Variants in CDH2 observed in about 807,000 individuals in gnomAD.
The protein encoded by CDH2 is cadherin 2.
Under a neutral mutation model 92.0 loss-of-function variants are expected in CDH2, and 17 were observed. The observed-to-expected ratio is 0.18, with a 90% CI of 0.13 to 0.28. The LOEUF is 0.28. CDH2 is among the 10% of genes least tolerant of loss of function. CDH2 has a pLI of 1.00. For missense variants in CDH2, 862 were observed against 1,133.1 expected (o/e 0.76, Z 3.44); for synonymous variants, 419 against 415.9 (o/e 1.01, Z -0.09).
At chr18:28,051,873 A>C (rs1482913965) in intron 2 of CDH2, among the ~76,000 whole-genome samples, 1 of 152,208 alleles carries the variant, frequency 6.6e-6, no homozygotes, top group Non-Finnish European at 1.5e-5. Flanking sequence ...TGCAAAATAC[A>C]CAAAAAGAGA....
At chr18:27,949,805 T>C (rs1321128509), downstream of CDH2, among the ~76,000 whole-genome samples, 1 of 151,800 alleles carries the variant, frequency 6.6e-6, no homozygotes, top group Non-Finnish European at 1.5e-5. Context: ...AAATAGTTGT[T>C]TATTATGCCT....
intron 1 of CDH2, among the ~76,000 whole-genome samples, chr18:28,176,422 C>G (rs938044798): frequency 2.6e-5 from 4 of 152,148 alleles, no homozygotes; most frequent in Admixed American, 6.5e-5. Flanking sequence ...CAACTCCAGA[C>G]TGGGATAAAG....
chr18:27,933,991 G>A (rs988211283), intron 6 of CDH2, among the ~76,000 whole-genome samples: 1 of 152,124 alleles, frequency 6.6e-6, no homozygotes, highest in Non-Finnish European at 1.5e-5. Flanking sequence ...ATTAAAGAAA[G>A]AAAATATGTT....
chr18:28,084,910 A>G (rs923074775), intron 2 of CDH2, among the ~76,000 whole-genome samples: 3 of 152,134 alleles, frequency 2.0e-5, no homozygotes, highest in East Asian at 3.9e-4. Flanking sequence ...ACTATTCTAG[A>G]TCATCACTAG....
chr18:27,977,853 A>G (rs1298942680), intron 14 of CDH2, among the ~76,000 whole-genome samples: 1 of 152,226 alleles, frequency 6.6e-6, no homozygotes, highest in African/African-American at 2.4e-5. Flanking sequence ...ACCTGAAGGT[A>G]CACACAGGCT....
chr18:27,982,817 A>C (rs550188778), intron 14 of CDH2, 127 bp downstream of exon 14: 3 of 534,544 alleles, frequency 5.6e-6, no homozygotes, highest in South Asian at 4.7e-5. Context: ...CATAGGAAAC[A>C]ATTTACCAAA....
At chr18:28,157,312 CATTCAACTAA>C (rs1416732055) in intron 1 of CDH2, among the ~76,000 whole-genome samples, 1 of 152,168 alleles carries the variant, frequency 6.6e-6, no homozygotes, top group Non-Finnish European at 1.5e-5. Context: ...CTTGGAAATT[CATTCAACTAA>C]AGACACTCAA....
intron 1 of CDH2, among the ~76,000 whole-genome samples, chr18:28,160,817 A>G (rs771681944): frequency 6.6e-6 from 1 of 152,120 alleles, no homozygotes; most frequent in Non-Finnish European, 1.5e-5. Flanking sequence ...AACTGGGGAG[A>G]GGCTCCCAGT....
chr18:28,147,583 T>C, intron 2 of CDH2, 90 bp downstream of exon 2: 1 of 729,122 alleles, frequency 1.4e-6, no homozygotes, highest in Non-Finnish European at 2.3e-6. Context: ...ATACTTGTTA[T>C]ACAGTAGAAA....
chr18:27,989,809 G>A (rs1398254806), intron 10 of CDH2, among the ~76,000 whole-genome samples: 5 of 152,102 alleles, frequency 3.3e-5, no homozygotes, highest in African/African-American at 9.7e-5. Flanking sequence ...TAAAGGCACA[G>A]GCTAAATAAT....
intron 2 of CDH2, among the ~76,000 whole-genome samples, chr18:28,050,276 T>C (rs1307757466): frequency 1.3e-5 from 2 of 152,214 alleles, no homozygotes; most frequent in East Asian, 3.8e-4. Context: ...TAGGGTAAAA[T>C]TAAAATACAG....
chr18:27,981,571 C>T (rs2012057512), intron 14 of CDH2, among the ~76,000 whole-genome samples: 1 of 152,088 alleles, frequency 6.6e-6, no homozygotes, highest in Non-Finnish European at 1.5e-5. Context: ...CTGTGGGTTA[C>T]AAACTCTGAA....
chr18:28,025,161 G>T (rs1364210783), intron 2 of CDH2, among the ~76,000 whole-genome samples: 1 of 152,046 alleles, frequency 6.6e-6, no homozygotes, highest in East Asian at 1.9e-4. Context: ...GATGATCTGG[G>T]GAAGTGTTAT....
intron 2 of CDH2, among the ~76,000 whole-genome samples, chr18:28,067,700 TTTG>T (rs1231765834): frequency 1.3e-5 from 2 of 152,202 alleles, no homozygotes; most frequent in Non-Finnish European, 2.9e-5. Flanking sequence ...TTTGTTTTAC[TTTG>T]TTGACTAAAA....
rs2016082511 is a variant in CDH2 at position 28,149,124 on chromosome 18, C to T, written c.61-1340G>A. ...GTGTGAGTGGAAGCTGGTACAGTCA[C>T]CTTGGCATATATTTTGGCAAACTCT... On this transcript the variant is annotated intron_variant, in intron 1 of 15. Transcript: ENST00000269141. Among the ~76,000 whole-genome samples, 3 of 152,128 alleles carry T rather than the reference C, an allele frequency of 2.0e-5. No homozygotes were observed. The South Asian group carries it at 6.2e-4, about 32-fold the overall frequency.
chr18:27,949,121 CA>C (rs1909348715), downstream of CDH2, among the ~76,000 whole-genome samples: 1 of 151,830 alleles, frequency 6.6e-6, no homozygotes, highest in Admixed American at 6.6e-5. Flanking sequence ...TGGCCTGACT[CA>C]AAAGCTAACT....
intron 14 of CDH2, among the ~76,000 whole-genome samples, chr18:27,966,179 A>T (rs1202618505): frequency 6.6e-6 from 1 of 152,112 alleles, no homozygotes; most frequent in Admixed American, 6.5e-5. Flanking sequence ...AATGGGGGAA[A>T]ATAGATGGCA....
chr18:28,050,680 C>T (rs1567979144), intron 2 of CDH2, among the ~76,000 whole-genome samples: 1 of 152,082 alleles, frequency 6.6e-6, no homozygotes. Flanking sequence ...AGATATAATG[C>T]CTTTTTCACT....
intron 2 of CDH2, among the ~76,000 whole-genome samples, chr18:28,111,444 A>G (rs887136127): frequency 4.5e-4 from 68 of 152,348 alleles, no homozygotes; most frequent in African/African-American, 1.6e-3. Flanking sequence ...TGTTGTCCAC[A>G]TCAAAGAAAA....
Sources: gnomAD v4.1 joint callset for allele counts (sites outside exome capture counted in the v4.1 genomes callset) on GRCh38, gnomAD v4.1.1 for gene constraint, MANE v1.5 for transcripts, NCBI Gene and HGNC (gene_info 2026-07-23, HGNC 2026-07-21) for gene names.